The following FHIT variants were observed in gnomAD, a reference collection of about 807,000 sequenced individuals.
FHIT encodes the protein bis(5'-adenosyl)-triphosphatase.
A neutral mutation model predicts 17.9 loss-of-function variants in FHIT; 19 were observed. The observed-to-expected ratio is 1.06, with a 90% CI of 0.74 to 1.56. The LOEUF (loss-of-function observed/expected upper bound fraction) is 1.56, where lower values mean the gene tolerates loss of function less well. FHIT is among the 40% of genes most tolerant of loss of function. FHIT has a pLI of 0.00. For synonymous variants in FHIT, 81 were observed against 69.7 expected (o/e 1.16, Z -0.81); for missense variants, 248 against 189.2 (o/e 1.31, Z -1.82).
chr3:59,961,253 G>C (rs1031609586), intron 7 of FHIT, among the ~76,000 whole-genome samples: 4 of 152,120 alleles, frequency 2.6e-5, no homozygotes, highest in Admixed American at 2.0e-4. Context: ...GAAATGCAGA[G>C]ATGAAGCAGT....
intron 8 of FHIT, among the ~76,000 whole-genome samples, chr3:59,915,013 T>C (rs294454): frequency 0.38 from 58,230 of 152,030 alleles, 12,286 homozygotes; most frequent in Non-Finnish European, 0.49. Flanking sequence ...TTTTAAACAC[T>C]GAAACAGCCC....
intron 5 of FHIT, among the ~76,000 whole-genome samples, chr3:60,342,342 T>C (rs58618157): frequency 0.14 from 21,802 of 152,190 alleles, 1,623 homozygotes; most frequent in Non-Finnish European, 0.16. Flanking sequence ...ACTGCTAGGT[T>C]CCATAGTGTG....
intron 5 of FHIT, among the ~76,000 whole-genome samples, chr3:60,221,032 C>T (rs941167150): frequency 2.4e-4 from 36 of 152,128 alleles, no homozygotes; most frequent in African/African-American, 8.7e-4. Flanking sequence ...AACAATAACA[C>T]ATTTGGTATA....
At chr3:60,118,244 C>T (rs1705069834) in intron 5 of FHIT, among the ~76,000 whole-genome samples, 1 of 151,610 alleles carries the variant, frequency 6.6e-6, no homozygotes, top group South Asian at 2.1e-4. Flanking sequence ...GTAGCTAAGA[C>T]CAGAGGTGCA....
At chr3:60,351,622 T>C (rs1377364391) in intron 5 of FHIT, among the ~76,000 whole-genome samples, 5 of 152,326 alleles carry the variant, frequency 3.3e-5, no homozygotes, top group Non-Finnish European at 7.4e-5. Flanking sequence ...TGATAATACC[T>C]GTAAAATGCT....
At chr3:59,967,686 G>A (rs542085378) in intron 7 of FHIT, among the ~76,000 whole-genome samples, 1 of 152,180 alleles carries the variant, frequency 6.6e-6, no homozygotes, top group African/African-American at 2.4e-5. Context: ...GCTCCCAAAG[G>A]CACCTCAGTT....
At chr3:60,124,043 GAGAGAGAGAGAGAC>G (rs753722711) in intron 5 of FHIT, among the ~76,000 whole-genome samples, 64 of 115,496 alleles carry the variant, frequency 5.5e-4, no homozygotes, top group Non-Finnish European at 7.7e-4. Flanking sequence ...GAGAGAGAGA[GAGAGAGAGAGAGAC>G]AGAGAGAGAG....
intron 3 of FHIT, among the ~76,000 whole-genome samples, chr3:60,869,396 C>T (rs1179000096): frequency 6.6e-6 from 1 of 152,106 alleles, no homozygotes; most frequent in Non-Finnish European, 1.5e-5. Context: ...GTGCCGGGAA[C>T]CAGAAGGTGG....
At chr3:60,472,672 T>C (rs1412825753) in intron 5 of FHIT, among the ~76,000 whole-genome samples, 2 of 152,194 alleles carry the variant, frequency 1.3e-5, no homozygotes, top group African/African-American at 4.8e-5. Context: ...AATGCTGTTT[T>C]AAAAGCAGCG....
At chr3:60,518,089 A>G (rs148550750) in intron 5 of FHIT, among the ~76,000 whole-genome samples, 436 of 152,320 alleles carry the variant, frequency 2.9e-3, no homozygotes, top group Non-Finnish European at 4.6e-3. Context: ...AATACGCACA[A>G]ATATTTAATC....
intron 5 of FHIT, among the ~76,000 whole-genome samples, chr3:60,418,760 A>G (rs1459191404): frequency 6.6e-6 from 1 of 151,542 alleles, no homozygotes; most frequent in Admixed American, 6.6e-5. Context: ...CTGTCAAAAA[A>G]AAATATATTG....
At chr3:60,591,945 A>G (rs2038099320) in intron 4 of FHIT, among the ~76,000 whole-genome samples, 1 of 151,942 alleles carries the variant, frequency 6.6e-6, no homozygotes, top group Non-Finnish European at 1.5e-5. Flanking sequence ...ACAGGGATTA[A>G]TTTGGGTTAC....
intron 5 of FHIT, among the ~76,000 whole-genome samples, chr3:60,126,535 A>G (rs1051058562): frequency 3.3e-5 from 5 of 152,218 alleles, no homozygotes; most frequent in Non-Finnish European, 5.9e-5. Context: ...GCTCTATAGA[A>G]GTTGTATACC....
intron 8 of FHIT, among the ~76,000 whole-genome samples, chr3:59,888,053 G>A (rs1703700798): frequency 1.3e-5 from 2 of 152,126 alleles, no homozygotes; most frequent in Admixed American, 1.3e-4. Flanking sequence ...AAATAAGACG[G>A]GTGTACTTTC....
chr3:59,924,047 GAACA>G (rs1465100025), intron 7 of FHIT, among the ~76,000 whole-genome samples: 1 of 152,148 alleles, frequency 6.6e-6, no homozygotes, highest in Non-Finnish European at 1.5e-5. Context: ...GAAAGTGAAA[GAACA>G]AACAAGGAAA....
At chr3:59,931,817 G>A (rs1705986074) in intron 7 of FHIT, among the ~76,000 whole-genome samples, 1 of 152,092 alleles carries the variant, frequency 6.6e-6, no homozygotes, top group African/African-American at 2.4e-5. Flanking sequence ...TATATCATAA[G>A]AGGGATGGTG....
intron 5 of FHIT, among the ~76,000 whole-genome samples, chr3:60,444,655 T>G (rs918876873): frequency 8.6e-5 from 13 of 151,808 alleles, no homozygotes; most frequent in African/African-American, 3.1e-4. Flanking sequence ...TGAGAACACC[T>G]GGACACAGGA....
At chr3:60,181,531 G>A (rs1305652242) in intron 5 of FHIT, among the ~76,000 whole-genome samples, 2 of 152,014 alleles carry the variant, frequency 1.3e-5, no homozygotes, top group East Asian at 1.9e-4. Context: ...TATAGCTATA[G>A]GCTAGGATTC....
intron 5 of FHIT, among the ~76,000 whole-genome samples, chr3:60,406,096 C>A (rs1386264624): frequency 6.6e-6 from 1 of 152,130 alleles, no homozygotes. Context: ...ATGGAGGTAT[C>A]AGGTACTATG....
Sources: gnomAD v4.1 joint callset for allele counts (sites outside exome capture counted in the v4.1 genomes callset) on GRCh38, gnomAD v4.1.1 for gene constraint, MANE v1.5 for transcripts, NCBI Gene and HGNC (gene_info 2026-07-23, HGNC 2026-07-21) for gene names.